CYTH1: variants seen among roughly 807,000 people sequenced by gnomAD.
The protein encoded by CYTH1 is cytohesin-1.
A neutral mutation model predicts 61.8 loss-of-function variants in CYTH1; 18 were observed. The ratio of observed to expected loss-of-function variants is 0.29; its 90% CI spans 0.20 to 0.43. The LOEUF is 0.43. CYTH1 is among the 20% of genes least tolerant of loss of function. The probability of loss-of-function intolerance (pLI) is 1.00; values close to 1 mark genes in which losing one functional copy is unlikely to be tolerated. For synonymous variants in CYTH1, 174 were observed against 184.3 expected, an observed-to-expected ratio of 0.94 and a Z score of 0.45; for missense variants, 336 against 510.5, an observed-to-expected ratio of 0.66 and a Z score of 3.29.
chr17:78,711,837 T>C (rs2093135484), intron 1 of CYTH1, among the ~76,000 whole-genome samples: 1 of 151,974 alleles, frequency 6.6e-6, no homozygotes, highest in South Asian at 2.1e-4. Context: ...TCCCAGCACT[T>C]TGGGAGGCCA....
chr17:78,732,598 C>A (rs2093300447), intron 1 of CYTH1, among the ~76,000 whole-genome samples: 1 of 152,122 alleles, frequency 6.6e-6, no homozygotes, highest in South Asian at 2.1e-4. Context: ...TTGTACAATG[C>A]CAAACATGCT....
Position 78,698,196 on chromosome 17 carries a change from C to T in CYTH1, c.811+73G>A, listed in dbSNP as rs891422527. ...ACGCACACGCGCACACACGCACGCA[C>T]GCACACACGCACACACACCGCCTTT... On this transcript the variant is annotated intron_variant, in intron 9 of 13. Transcript: ENST00000446868. 30 of 1,238,468 alleles carry T rather than the reference C, an allele frequency of 2.4e-5. 1 individual carries two copies. The highest frequency in any genetic ancestry group is 9.1e-5 in the Admixed American group (5 of 55,154). The allele number at this position is 1,238,468 out of a possible 1,614,324, so 76.7% of individuals were successfully genotyped here.
At chr17:78,775,782 G>A (rs1450244419) in intron 1 of CYTH1, among the ~76,000 whole-genome samples, 1 of 152,168 alleles carries the variant, frequency 6.6e-6, no homozygotes, top group Non-Finnish European at 1.5e-5. Context: ...CTTCTTGAAA[G>A]GAACAAAAAT....
At chr17:78,752,384 T>C (rs143573704) in intron 1 of CYTH1, among the ~76,000 whole-genome samples, 1 of 152,106 alleles carries the variant, frequency 6.6e-6, no homozygotes, top group African/African-American at 2.4e-5. Context: ...CAATAAAGAG[T>C]ACCAGGGCTA....
chr17:78,752,243 T>C (rs915570427), intron 1 of CYTH1, among the ~76,000 whole-genome samples: 9 of 152,192 alleles, frequency 5.9e-5, no homozygotes, highest in African/African-American at 2.2e-4. Flanking sequence ...GTTTAGAGCT[T>C]GTGAGGAAAA....
intron 1 of CYTH1, among the ~76,000 whole-genome samples, chr17:78,779,292 C>CAGG (rs1302887586): frequency 2.0e-5 from 3 of 150,212 alleles, no homozygotes; most frequent in Non-Finnish European, 4.4e-5. Flanking sequence ...CCCAGCTACT[C>CAGG]AGGAGGCTGA....
At chr17:78,750,485 C>A (rs1245035994) in intron 1 of CYTH1, among the ~76,000 whole-genome samples, 1 of 152,136 alleles carries the variant, frequency 6.6e-6, no homozygotes, top group African/African-American at 2.4e-5. Flanking sequence ...ATAGCTGATT[C>A]TTGCTATTCA....
At chr17:78,741,534 C>T (rs1384083812) in intron 1 of CYTH1, among the ~76,000 whole-genome samples, 8 of 152,058 alleles carry the variant, frequency 5.3e-5, no homozygotes, top group Non-Finnish European at 1.2e-4. Context: ...TAGGCACCAC[C>T]TATAAAAGTG....
At chr17:78,734,624 G>A (rs893272774) in intron 1 of CYTH1, among the ~76,000 whole-genome samples, 4 of 151,712 alleles carry the variant, frequency 2.6e-5, no homozygotes, top group African/African-American at 9.7e-5. Flanking sequence ...ATTTTTAGTA[G>A]AGACAGGGTT....
intron 11 of CYTH1, among the ~76,000 whole-genome samples, chr17:78,683,820 TAC>T (rs2092788570): frequency 6.6e-6 from 1 of 152,220 alleles, no homozygotes; most frequent in African/African-American, 2.4e-5. Flanking sequence ...TTCTGGTTTT[TAC>T]CCTCCCCATT....
chr17:78,711,034 G>T (rs913075349), intron 1 of CYTH1, among the ~76,000 whole-genome samples: 1 of 151,914 alleles, frequency 6.6e-6, no homozygotes, highest in Admixed American at 6.6e-5. Context: ...AGGCCGGGGC[G>T]GGCAGATCAC....
chr17:78,752,813 G>A (rs888132647), intron 1 of CYTH1, among the ~76,000 whole-genome samples: 1 of 152,092 alleles, frequency 6.6e-6, no homozygotes, highest in Non-Finnish European at 1.5e-5. Context: ...ATATCACAAT[G>A]TGATTATACA....
intron 3 of CYTH1, among the ~76,000 whole-genome samples, chr17:78,704,106 T>C (rs1196837264): frequency 1.3e-5 from 2 of 152,172 alleles, no homozygotes; most frequent in South Asian, 2.1e-4. Flanking sequence ...CTTGGGAGCA[T>C]ATCAGACGTG....
chr17:78,764,432 G>C (rs1412591484), intron 1 of CYTH1, among the ~76,000 whole-genome samples: 2 of 151,810 alleles, frequency 1.3e-5, no homozygotes, highest in Non-Finnish European at 2.9e-5. Flanking sequence ...GAGTGCTAGG[G>C]TTACAGATGT....
At chr17:78,746,958 T>A (rs2093361602) in intron 1 of CYTH1, among the ~76,000 whole-genome samples, 1 of 151,548 alleles carries the variant, frequency 6.6e-6, no homozygotes, top group Non-Finnish European at 1.5e-5. Flanking sequence ...ATAATAATAA[T>A]AAAAGTGTAC....
chr17:78,680,066 G>A, intron 13 of CYTH1, 124 bp downstream of exon 13: 1 of 1,344,126 alleles, frequency 7.4e-7, no homozygotes. Flanking sequence ...CCAGGACGAA[G>A]CTTCCCTAAG....
chr17:78,700,532 T>C lies in CYTH1; in HGVS notation c.438-89A>G, dbSNP rs183781134. On this transcript the variant is annotated intron_variant, in intron 6 of 13. Transcript: ENST00000446868. This position sits in a 1 kb window ranked among gnomAD's most constrained non-coding sequence, Gnocchi z 5.1. Reference sequence around the variant, plus strand: ...TAAACTGCCAATGATTTTTTTTTTCTTTTTTTTTTTGAGATGGAGTCTCAC... The same window carrying C: ...TAAACTGCCAATGATTTTTTTTTTCCTTTTTTTTTTGAGATGGAGTCTCAC... The C allele has an allele frequency of 0.016, 9,331 of 571,076 alleles. 58 individuals are homozygous for C. The highest frequency in any genetic ancestry group is 0.035 in the South Asian group (894 of 25,572). The allele number at this position is 571,076 out of a possible 1,614,324, so 35.4% of individuals were successfully genotyped here.
chr17:78,763,120 G>C (rs2093435122), intron 1 of CYTH1, among the ~76,000 whole-genome samples: 1 of 151,948 alleles, frequency 6.6e-6, no homozygotes, highest in Non-Finnish European at 1.5e-5. Context: ...GAGGTATGTG[G>C]ATCACCTGAG....
At chr17:78,777,454 T>C (rs998208403) in intron 1 of CYTH1, among the ~76,000 whole-genome samples, 6 of 151,980 alleles carry the variant, frequency 3.9e-5, no homozygotes, top group Admixed American at 6.6e-5. Context: ...ATTAAATAAA[T>C]AAACAAACCA....
Sources: allele counts gnomAD v4.1 joint callset (sites outside exome capture counted in the v4.1 genomes callset), GRCh38; gene constraint gnomAD v4.1.1; non-coding constraint Gnocchi (gnomAD v3.1); transcripts MANE v1.5; gene names NCBI Gene and HGNC (gene_info 2026-07-23, HGNC 2026-07-21).